The following SCRG1 variants were observed in gnomAD, a reference collection of about 807,000 sequenced individuals.
SCRG1 encodes scrapie-responsive protein 1.
Under a neutral mutation model 7.7 loss-of-function variants are expected in SCRG1, and 3 were observed. The ratio of observed to expected loss-of-function variants is 0.39; its 90% confidence interval spans 0.18 to 1.01. SCRG1 has a LOEUF of 1.01. Among genes scored for constraint, SCRG1 ranks in the 50% least tolerant of loss-of-function variants. The probability of loss-of-function intolerance (pLI) is 0.36; values close to 1 mark genes in which losing one functional copy is unlikely to be tolerated. For synonymous variants in SCRG1, 46 were observed against 41.2 expected (o/e 1.12, Z -0.44); for missense variants, 110 against 117.2 (o/e 0.94, Z 0.28).
rs1739255552 is a variant in SCRG1 at position 173,386,581 on chromosome 4, C to T, written c.*1760G>A. The T allele has an allele frequency of 6.6e-6, 1 of 152,170 alleles. No individual in the cohort carries two copies. The allele number at this position is 152,170 out of a possible 1,614,324, so 9.4% of individuals were successfully genotyped here. ...TGGTCTTTCAGCCCAGTAACACTTA[C>T]TAAACACAGATTAGATACCAGATAC... On this transcript the variant is annotated 3_prime_UTR_variant, in exon 3 of 3. Transcript: ENST00000296506.
chr4:173,499,531 T>C, the SCRG1 span, among the ~76,000 whole-genome samples: 1 of 152,246 alleles, frequency 6.6e-6, no homozygotes, highest in African/African-American at 2.4e-5. The surrounding 1 kb of genome is among the most constrained non-coding windows in gnomAD (Gnocchi z 4.1). Flanking sequence ...TTTGACAGGC[T>C]ATTGCCTTCA....
At chr4:173,499,298 C>T in the SCRG1 span, among the ~76,000 whole-genome samples, 1 of 152,300 alleles carries the variant, frequency 6.6e-6, no homozygotes, top group East Asian at 1.9e-4. This position sits in a 1 kb window ranked among gnomAD's most constrained non-coding sequence, Gnocchi z 4.1. Context: ...CCATCCTATC[C>T]GTGTTCCCTG....
At chr4:173,452,516 A>G in the SCRG1 span, among the ~76,000 whole-genome samples, 1 of 152,230 alleles carries the variant, frequency 6.6e-6, no homozygotes, top group African/African-American at 2.4e-5. Flanking sequence ...GATTTTAAAA[A>G]ATCAGCATTC....
chr4:173,413,651 T>C, the SCRG1 span, among the ~76,000 whole-genome samples: 1 of 152,180 alleles, frequency 6.6e-6, no homozygotes, highest in Non-Finnish European at 1.5e-5. Flanking sequence ...AATGACTGAA[T>C]AGATTACAGG....
the SCRG1 span, among the ~76,000 whole-genome samples, chr4:173,443,973 G>A: frequency 6.6e-6 from 1 of 151,166 alleles, no homozygotes; most frequent in African/African-American, 2.4e-5. Flanking sequence ...GTGTGTGTGT[G>A]TGTGTGTGTG....
the SCRG1 span, among the ~76,000 whole-genome samples, chr4:173,490,587 C>T: frequency 3.3e-5 from 5 of 152,052 alleles, no homozygotes; most frequent in South Asian, 2.1e-4. Flanking sequence ...AGTTGCTGCC[C>T]GATTGCAGGA....
At chr4:173,465,237 G>T in the SCRG1 span, among the ~76,000 whole-genome samples, 3 of 152,136 alleles carry the variant, frequency 2.0e-5, no homozygotes, top group African/African-American at 7.2e-5. Flanking sequence ...AGTGAAAATG[G>T]TAAATGTTAT....
chr4:173,453,217 C>A, the SCRG1 span, among the ~76,000 whole-genome samples: 1 of 152,204 alleles, frequency 6.6e-6, no homozygotes, highest in African/African-American at 2.4e-5. Context: ...GCCCTTTTCT[C>A]CAGAGACAGA....
chr4:173,470,358 C>T, the SCRG1 span, among the ~76,000 whole-genome samples: 2 of 152,226 alleles, frequency 1.3e-5, no homozygotes, highest in South Asian at 4.1e-4. Context: ...GAGACATAAT[C>T]CCTCCTTTGT....
the SCRG1 span, among the ~76,000 whole-genome samples, chr4:173,508,178 C>CT: frequency 6.6e-6 from 1 of 152,198 alleles, no homozygotes; most frequent in Non-Finnish European, 1.5e-5. This position sits in a 1 kb window ranked among gnomAD's most constrained non-coding sequence, Gnocchi z 4.4. Context: ...CTCCTCCCGC[C>CT]TAAATGTACA....
chr4:173,405,862 C>T (rs1461441203), intron 1 of SCRG1, among the ~76,000 whole-genome samples: 1 of 152,110 alleles, frequency 6.6e-6, no homozygotes, highest in Admixed American at 6.6e-5. Context: ...CTAGAATCAG[C>T]CATTTCTCCA....
the SCRG1 span, among the ~76,000 whole-genome samples, chr4:173,467,551 G>A: frequency 1.1e-3 from 165 of 152,260 alleles, no homozygotes; most frequent in Non-Finnish European, 1.5e-3. Context: ...ATTGTTTTGG[G>A]AGAACTTTGC....
upstream of SCRG1, chr4:173,403,927 C>A (rs958427246): frequency 4.6e-5 from 7 of 152,612 alleles, no homozygotes; most frequent in African/African-American, 1.7e-4. Flanking sequence ...CTTCTCAAAG[C>A]TGTTTCACAG....
At chr4:173,422,698 A>G in the SCRG1 span, among the ~76,000 whole-genome samples, 5 of 152,162 alleles carry the variant, frequency 3.3e-5, no homozygotes, top group Admixed American at 2.0e-4. Context: ...GATGTTAAAA[A>G]CCATTTGAAA....
At chr4:173,448,114 C>T in the SCRG1 span, among the ~76,000 whole-genome samples, 1 of 152,162 alleles carries the variant, frequency 6.6e-6, no homozygotes, top group Admixed American at 6.5e-5. Context: ...CAAAAACCAA[C>T]CAACCAAACA....
chr4:173,435,641 G>A, the SCRG1 span, among the ~76,000 whole-genome samples: 3 of 152,146 alleles, frequency 2.0e-5, no homozygotes, highest in Non-Finnish European at 2.9e-5. Flanking sequence ...CATCGCCAAG[G>A]TAGGCAGCAA....
the SCRG1 span, among the ~76,000 whole-genome samples, chr4:173,449,244 T>C: frequency 1.3e-5 from 2 of 152,136 alleles, no homozygotes; most frequent in Non-Finnish European, 2.9e-5. Context: ...CTGTTGACAA[T>C]AAAAGTCTGG....
At chr4:173,395,042 C>T (rs1175815743) in intron 1 of SCRG1, among the ~76,000 whole-genome samples, 1 of 152,128 alleles carries the variant, frequency 6.6e-6, no homozygotes, top group Non-Finnish European at 1.5e-5. Flanking sequence ...ATGTTGCTCT[C>T]TCTACCAGGA....
chr4:173,486,034 G>T, the SCRG1 span, among the ~76,000 whole-genome samples: 1 of 152,040 alleles, frequency 6.6e-6, no homozygotes, highest in African/African-American at 2.4e-5. Context: ...TATGTCAAAG[G>T]CATGATTTAA....
Sources: gnomAD v4.1 joint callset for allele counts (sites outside exome capture counted in the v4.1 genomes callset) on GRCh38, gnomAD v4.1.1 for gene constraint, Gnocchi (gnomAD v3.1) non-coding constraint, MANE v1.5 for transcripts, NCBI Gene and HGNC (gene_info 2026-07-23, HGNC 2026-07-21) for gene names.